ADAM12: variants seen among roughly 807,000 people sequenced by gnomAD.
ADAM12 encodes the protein ADAM metallopeptidase domain 12.
ADAM12 carries 70 observed loss-of-function variants against 106.4 expected under a neutral mutation model. The ratio of observed to expected loss-of-function variants is 0.66; its 90% CI spans 0.54 to 0.80. The LOEUF (loss-of-function observed/expected upper bound fraction) is 0.80. ADAM12 is among the 30% of genes least tolerant of loss of function. ADAM12 has a pLI of 0.00. For synonymous variants in ADAM12, 420 were observed against 433.5 expected (o/e 0.97, Z 0.39); for missense variants, 1,010 against 1,171.9 (o/e 0.86, Z 2.02).
intron 4 of ADAM12, among the ~76,000 whole-genome samples, chr10:126,144,289 T>C (rs1043882912): frequency 6.6e-6 from 1 of 152,244 alleles, no homozygotes; most frequent in Non-Finnish European, 1.5e-5. Flanking sequence ...ATCTGTATAA[T>C]GGGACGGGCA....
At chr10:126,217,168 T>A (rs1487119844) in intron 3 of ADAM12, among the ~76,000 whole-genome samples, 2 of 152,188 alleles carry the variant, frequency 1.3e-5, no homozygotes, top group African/African-American at 4.8e-5. Context: ...ATAATCACTA[T>A]AAAAGGCTAA....
At chr10:126,042,215 C>T (rs1340147695) in intron 18 of ADAM12, 5 of 1,613,596 alleles carry the variant, frequency 3.1e-6, no homozygotes, top group Non-Finnish European at 2.5e-6. Context: ...CTGTTGGACT[C>T]TGCAGCTTCC....
intron 2 of ADAM12, among the ~76,000 whole-genome samples, chr10:126,304,170 C>A (rs1960742260): frequency 6.6e-6 from 1 of 151,872 alleles, no homozygotes; most frequent in Non-Finnish European, 1.5e-5. Context: ...CACAAACACC[C>A]AAAAGTAATA....
At position 126,290,710 on chromosome 10, in the gene ADAM12, A is replaced by C. The variant is rs144114766; in HGVS notation, c.187-11722T>G. Among the ~76,000 whole-genome samples, 503 of 152,294 alleles carry C rather than the reference A, an allele frequency of 3.3e-3. 4 individuals carry two copies. Among genetic ancestry groups the C allele is most frequent in the African/African-American group, 0.011 (472 of 41,572 alleles). On this transcript the variant is annotated intron_variant, in intron 2 of 22. Coordinates refer to ENST00000448723, the MANE Select transcript of ADAM12 (RefSeq NM_001288973.2). Reference sequence around the variant, plus strand: ...ATAAATGACGCTTCAAAAATTTTTCAAAAAGGAATATTATACATTTATTAA... The same window carrying C: ...ATAAATGACGCTTCAAAAATTTTTCCAAAAGGAATATTATACATTTATTAA...
At chr10:126,226,670 T>C (rs775830599) in intron 3 of ADAM12, among the ~76,000 whole-genome samples, 1 of 152,196 alleles carries the variant, frequency 6.6e-6, no homozygotes, top group Non-Finnish European at 1.5e-5. Flanking sequence ...GAAAAATGCA[T>C]GTAGAGAGCT....
chr10:126,092,181 G>A (rs1386985056), intron 11 of ADAM12, among the ~76,000 whole-genome samples: 1 of 152,160 alleles, frequency 6.6e-6, no homozygotes, highest in Non-Finnish European at 1.5e-5. Context: ...TTAGTCATGG[G>A]AAACCATTTC....
In ADAM12 at chr10:126,049,569, G is replaced by C. The variant is rs148998733; in HGVS notation, c.1710C>G (p.Cys570Trp). 48 of 1,614,084 alleles carry C rather than the reference G, an allele frequency of 3.0e-5. No individual in the cohort carries two copies. The Admixed American group carries it at 6.2e-4, about 21-fold the overall frequency. The change falls in exon 15 of 23, where the codon TGC (cysteine) becomes TGG (tryptophan). Residue 570 changes from cysteine (C) to tryptophan (W), a missense_variant. By Grantham distance (215) the Cys-to-Trp change is radical. This residue lies in a region of ADAM12 where 615 missense variants were observed against 708.5 expected (regional missense o/e 0.87). Coordinates refer to ENST00000448723, the MANE Select transcript of ADAM12 (RefSeq NM_001288973.2). The surrounding 1 kb of genome is among the most constrained non-coding windows in gnomAD (Gnocchi z 4.4). Reference protein sequence around the residue: ...GKVSKSSFAKCEMRDAKCGKI... With the variant: ...GKVSKSSFAKWEMRDAKCGKI... ...ATGTCTGGATTCCATACCTCATCTC[G>C]CATTTGGCAAAGGAACTCTTCGAGA...
intron 3 of ADAM12, 53 bp from the exon 4 acceptor site, chr10:126,155,358 C>T: frequency 4.7e-6 from 7 of 1,489,808 alleles, no homozygotes; most frequent in Non-Finnish European, 6.5e-6. Flanking sequence ...TGCATTGATA[C>T]ATTGTTGTGA....
In ADAM12 at chr10:126,023,557, C is replaced by A. The variant is rs764246748; in HGVS notation, c.2530-3732G>T. Among the ~76,000 whole-genome samples, 10 of 152,194 alleles carry A rather than the reference C, an allele frequency of 6.6e-5. No homozygotes were observed. The South Asian group carries it at 1.0e-3, about 16-fold the overall frequency. On this transcript the variant is annotated intron_variant, in intron 21 of 22. Transcript: ENST00000448723. ...TGTCCAAGTTTAATGAGAGAGAATT[C>A]TCTTCCTGACTCCTCTCCATTCAAG...
chr10:126,311,393 A>G (rs911619730), intron 2 of ADAM12, among the ~76,000 whole-genome samples: 1 of 152,226 alleles, frequency 6.6e-6, no homozygotes, highest in Admixed American at 6.5e-5. Context: ...GCACTGGCAG[A>G]GCAGATGAGA....
At chr10:126,279,323 T>C (rs1455401177) in intron 2 of ADAM12, among the ~76,000 whole-genome samples, 2 of 152,006 alleles carry the variant, frequency 1.3e-5, no homozygotes, top group African/African-American at 2.4e-5. Context: ...TCCTAGCTAC[T>C]TGGGTGGCTG....
intron 2 of ADAM12, among the ~76,000 whole-genome samples, chr10:126,297,896 T>C (rs1206866330): frequency 9.2e-5 from 14 of 151,800 alleles, no homozygotes; most frequent in Admixed American, 8.5e-4. Context: ...CACCAGAACT[T>C]CCCACAGACT....
At chr10:126,267,812 A>T (rs1959128978) in intron 3 of ADAM12, among the ~76,000 whole-genome samples, 1 of 140,410 alleles carries the variant, frequency 7.1e-6, no homozygotes, top group Non-Finnish European at 1.6e-5. Flanking sequence ...TACAAAAAAG[A>T]GAGGTGGGGG....
At chr10:126,165,237 G>A (rs11244858) in intron 3 of ADAM12, among the ~76,000 whole-genome samples, 46,234 of 151,878 alleles carry the variant, frequency 0.3, 7,696 homozygotes, top group Non-Finnish European at 0.38. Flanking sequence ...GTGCGATCCC[G>A]GCTCACTGCG....
chr10:126,191,916 C>T (rs1414459231), intron 3 of ADAM12, among the ~76,000 whole-genome samples: 1 of 152,094 alleles, frequency 6.6e-6, no homozygotes, highest in African/African-American at 2.4e-5. Context: ...ACTTACAACC[C>T]TGGCAGAAGG....
At position 126,043,598 on chromosome 10, in the gene ADAM12, A is replaced by AG. The variant is rs1280522621; in HGVS notation, c.1996-451dup. On this transcript the variant is annotated intron_variant, in intron 17 of 22. Transcript: ENST00000448723. The surrounding 1 kb of genome is among the most constrained non-coding windows in gnomAD (Gnocchi z 4.1). ...CGCATCCCTGTCTCCTTCAGACAGA[A>AG]GGCTCAGAGAGGCTGGTGACTGCCG... Among the ~76,000 whole-genome samples the AG allele has an allele frequency of 6.6e-6, 1 of 152,184 alleles. No homozygotes were observed. The highest frequency in any genetic ancestry group is 2.4e-5 in the African/African-American group (1 of 41,458).
intron 18 of ADAM12, chr10:126,041,236 A>G: frequency 1.5e-6 from 1 of 677,816 alleles, no homozygotes; most frequent in Non-Finnish European, 1.8e-6. Flanking sequence ...ACACACAAGT[A>G]CTTGTTTAAT....
At chr10:126,206,369 CCTGCT>C (rs1272176418) in intron 3 of ADAM12, among the ~76,000 whole-genome samples, 1 of 152,180 alleles carries the variant, frequency 6.6e-6, no homozygotes, top group Non-Finnish European at 1.5e-5. Context: ...GGGACACTAT[CCTGCT>C]TAGTCTAGGG....
intron 3 of ADAM12, among the ~76,000 whole-genome samples, chr10:126,272,089 C>A (rs1373653214): frequency 6.6e-6 from 1 of 152,192 alleles, no homozygotes; most frequent in Non-Finnish European, 1.5e-5. Context: ...GGCCCCATAC[C>A]TTCCCCTCCT....
Sources: gnomAD v4.1 joint callset for allele counts (sites outside exome capture counted in the v4.1 genomes callset) on GRCh38, gnomAD v4.1.1 for gene constraint, gnomAD v4.1.1 regional missense constraint, Gnocchi (gnomAD v3.1) non-coding constraint, MANE v1.5 for transcripts, NCBI Gene and HGNC (gene_info 2026-07-23, HGNC 2026-07-21) for gene names.